The following TOX4 variants were observed in gnomAD, a reference collection of about 807,000 sequenced individuals.
TOX4 encodes epidermal Langerhans cell protein LCP1.
Under a neutral mutation model 61.0 loss-of-function variants are expected in TOX4, and 12 were observed. That is an observed-to-expected ratio of 0.20 (90% CI 0.13 to 0.32). The LOEUF is 0.32. Ranked by LOEUF, TOX4 falls within the 10% of genes least tolerant of loss-of-function variation. The pLI, the probability that TOX4 is intolerant of heterozygous loss-of-function variation, is 1.00. For missense variants in TOX4, 499 were observed against 753.3 expected, an observed-to-expected ratio of 0.66 and a Z score of 3.95; for synonymous variants, 268 against 274.8, an observed-to-expected ratio of 0.98 and a Z score of 0.24.
intron 4 of TOX4, 148 bp from the exon 5 acceptor site, chr14:21,489,025 C>T: frequency 8.3e-7 from 1 of 1,200,018 alleles, no homozygotes; most frequent in South Asian, 1.6e-5. Context: ...AATCCCTATT[C>T]TTATTGGTTC....
rs1313915204 is a variant in TOX4, at chr14:21,477,263, G to A, written c.-16G>A. The A allele has an allele frequency of 2.5e-6, 4 of 1,614,014 alleles. No individual in the cohort carries two copies. Among genetic ancestry groups the A allele is most frequent in the Non-Finnish European group, 3.4e-6 (4 of 1,179,992 alleles). On this transcript the variant is annotated 5_prime_UTR_variant, in exon 1 of 9. Transcript: ENST00000448790. ...GAGCGATGAGGGTCTGAGACGGTGG[G>A]AGCGGTTGTGTGAAGATGGAGGTAG...
intron 7 of TOX4, among the ~76,000 whole-genome samples, chr14:21,494,623 G>A (rs1336838823): frequency 1.3e-5 from 2 of 152,066 alleles, no homozygotes; most frequent in Non-Finnish European, 2.9e-5. Context: ...GGTGGCAGGC[G>A]CCTGTAGTCC....
intron 5 of TOX4, among the ~76,000 whole-genome samples, chr14:21,491,287 A>G (rs1185987329): frequency 6.6e-6 from 1 of 152,310 alleles, no homozygotes; most frequent in East Asian, 1.9e-4. Context: ...ACCACATTCC[A>G]TAAGGGAAAA....
intron 2 of TOX4, chr14:21,482,722 GGT>G (rs1326006163): frequency 3.4e-6 from 1 of 289,906 alleles, no homozygotes; most frequent in South Asian, 3.1e-5. Context: ...AGTGTGATCT[GGT>G]TATGTAATCC....
chr14:21,488,151 C>G (rs538957270), intron 3 of TOX4: 2 of 173,154 alleles, frequency 1.2e-5, no homozygotes, highest in African/African-American at 4.8e-5. Context: ...TCCAGCACAT[C>G]GAACCAGTAA....
Position 21,493,114 on chromosome 14 carries a change from A to T in TOX4, c.1498A>T (p.Thr500Ser), listed in dbSNP as rs1469545911. The stretch of plus-strand genomic sequence containing the variant: ...GCAGATCAAGAGTGTGCCTCTACCC[A>T]CTTTGAAAATGCAGACTACCTTAGT... Reference protein sequence around the residue: ...PLQIKSVPLPTLKMQTTLVPP... With the variant: ...PLQIKSVPLPSLKMQTTLVPP... The change falls in exon 7 of 9, where the codon ACT (threonine) becomes TCT (serine). Residue 500 changes from threonine (T) to serine (S), a missense_variant. Transcript: ENST00000448790. The T allele has an allele frequency of 6.2e-7, 1 of 1,613,668 alleles. No homozygotes were observed. The highest frequency in any genetic ancestry group is 8.5e-7 in the Non-Finnish European group (1 of 1,179,994).
In TOX4 at chr14:21,498,720, A is replaced by G; in HGVS notation, c.*2114A>G. 2.2e-6 allele frequency: 1 copy of G among 462,188 alleles called. No individual in the cohort carries two copies. Among genetic ancestry groups the G allele is most frequent in the Non-Finnish European group, 3.9e-6 (1 of 258,848 alleles). The allele number at this position is 462,188 out of a possible 1,614,324, so 28.6% of individuals were successfully genotyped here. On this transcript the variant is annotated 3_prime_UTR_variant, in exon 9 of 9. Coordinates refer to ENST00000448790, the MANE Select transcript of TOX4 (RefSeq NM_014828.4). ...AAAGATGTAATTATTGACAGATTAA[A>G]TAGATAACTTCGTAACCACCAGGGG...
At chr14:21,477,439 C>T in intron 1 of TOX4, 57 bp from the exon 2 acceptor site, 1 of 1,611,202 alleles carries the variant, frequency 6.2e-7, no homozygotes, top group Admixed American at 1.7e-5. Flanking sequence ...AGCCATCGCT[C>T]CAAGCTGACT....
chr14:21,479,933 TA>T (rs1340460066), intron 2 of TOX4, among the ~76,000 whole-genome samples: 1 of 152,202 alleles, frequency 6.6e-6, no homozygotes, highest in African/African-American at 2.4e-5. Context: ...CTTAATTCTC[TA>T]CCCCATTTAT....
At position 21,477,234 on chromosome 14, in the gene TOX4, G is replaced by A. The variant is rs773679563; in HGVS notation, c.-45G>A. On this transcript the variant is annotated 5_prime_UTR_variant, in exon 1 of 9. In the 5' UTR this introduces an upstream ATG that the reference lacks. Coordinates refer to ENST00000448790, the MANE Select transcript of TOX4 (RefSeq NM_014828.4). Reference sequence around the variant, plus strand: ...GGCAGTTCCGAGTCCAGTGGGGGCGGTGGGAGCGATGAGGGTCTGAGACGG... The same window carrying A: ...GGCAGTTCCGAGTCCAGTGGGGGCGATGGGAGCGATGAGGGTCTGAGACGG... 1.9e-6 allele frequency: 3 copies of A among 1,613,894 alleles called. No individual in the cohort carries two copies. The East Asian group carries it at 6.7e-5, about 36-fold the overall frequency.
rs1594425963 is a variant in TOX4 at position 21,484,363 on chromosome 14, T to G, written c.76-3088T>G. On this transcript the variant is annotated intron_variant, in intron 2 of 8. Coordinates refer to ENST00000448790, the MANE Select transcript of TOX4 (RefSeq NM_014828.4). ...TTTTTTTTTTTTTTTTTTTTTTTTT[T>G]TTTGAGACAGAGTCTTGCTCTGTCA... Among the ~76,000 whole-genome samples the G allele has an allele frequency of 1.7e-4, 11 of 64,042 alleles. No individual in the cohort carries two copies. The South Asian group carries it at 5.9e-3, about 34-fold the overall frequency. The allele number at this position is 64,042 out of a possible 152,430, so 42.0% of individuals were successfully genotyped here.
intron 7 of TOX4, among the ~76,000 whole-genome samples, chr14:21,493,530 C>T (rs1566485622): frequency 6.6e-6 from 1 of 151,926 alleles, no homozygotes; most frequent in Non-Finnish European, 1.5e-5. Flanking sequence ...CAACCTCTAC[C>T]TCCTGGGTTC....
chr14:21,498,237 T>C lies in TOX4; in HGVS notation c.*1631T>C, dbSNP rs1411323985. On this transcript the variant is annotated 3_prime_UTR_variant, in exon 9 of 9. Transcript: ENST00000448790. ...TTACAGAGCCATGGCTATGGATTCT[T>C]AGCTCTGTAAGGAAGTGCTTCTATA... 3 of 1,386,638 alleles carry C rather than the reference T, an allele frequency of 2.2e-6. No individual in the cohort carries two copies. Among genetic ancestry groups the C allele is most frequent in the East Asian group, 4.6e-5 (2 of 43,796 alleles). The allele number at this position is 1,386,638 out of a possible 1,614,324, so 85.9% of individuals were successfully genotyped here. A position where few individuals can be genotyped will look rare whatever the true frequency, so the allele number is the denominator to read the frequency against.
At position 21,487,661 on chromosome 14, in the gene TOX4, G is replaced by A. The variant is rs772957971; in HGVS notation, c.286G>A (p.Gly96Ser). 15 of 1,613,552 alleles carry A rather than the reference G, an allele frequency of 9.3e-6. 1 individual carries two copies. The South Asian group carries it at 1.6e-4, about 18-fold the overall frequency. Reference sequence around the variant, plus strand: ...CATGACCCATGGCTTGATGGAGCAGGGCGGGGGGCTCCTGAGTGGGGGCTT... The same window carrying A: ...CATGACCCATGGCTTGATGGAGCAGAGCGGGGGGCTCCTGAGTGGGGGCTT... ...VGMTHGLMEQ[G>S]GGLLSGGLTM... Residue 96 changes from glycine to serine, a missense_variant, in exon 3 of 9, where the codon GGC becomes AGC. This residue lies in a region of TOX4 where 90 missense variants were observed against 109.5 expected (regional missense o/e 0.82). Coordinates refer to ENST00000448790, the MANE Select transcript of TOX4 (RefSeq NM_014828.4).
rs1891240694 is a variant in TOX4, at chr14:21,489,057, T to C, written c.580-116T>C. The C allele has an allele frequency of 3.9e-6, 5 of 1,272,110 alleles. No homozygotes were observed. The Middle Eastern group carries it at 5.8e-4, about 147-fold the overall frequency. The allele number at this position is 1,272,110 out of a possible 1,614,324, so 78.8% of individuals were successfully genotyped here. On this transcript the variant is annotated intron_variant, in intron 4 of 8. Transcript: ENST00000448790. ...GTTCTCCATATTTGACTAATGTCTT[T>C]TAATGCTATTTCTATGATTTTTAGC...
intron 2 of TOX4, among the ~76,000 whole-genome samples, chr14:21,487,072 C>G (rs1594427147): frequency 6.6e-6 from 1 of 152,084 alleles, no homozygotes; most frequent in Non-Finnish European, 1.5e-5. Flanking sequence ...AATAACTGCT[C>G]TATTAGAATC....
At chr14:21,494,091 G>A (rs1338517880) in intron 7 of TOX4, among the ~76,000 whole-genome samples, 1 of 152,056 alleles carries the variant, frequency 6.6e-6, no homozygotes, top group Non-Finnish European at 1.5e-5. Context: ...TTCTGCCCCA[G>A]ACCACTCCTT....
chr14:21,492,063 C>G (rs1891302324), intron 5 of TOX4: 1 of 384,310 alleles, frequency 2.6e-6, no homozygotes, highest in Admixed American at 4.2e-5. Context: ...ATAAATGTAG[C>G]TATTCTTGCC....
intron 5 of TOX4, among the ~76,000 whole-genome samples, chr14:21,490,610 G>T (rs1165606017): frequency 2.0e-5 from 3 of 152,202 alleles, no homozygotes; most frequent in Non-Finnish European, 1.5e-5. Flanking sequence ...AAGTGGTAAA[G>T]TTGAGACACA....
Sources: gnomAD v4.1 joint callset for allele counts (sites outside exome capture counted in the v4.1 genomes callset) on GRCh38, gnomAD v4.1.1 for gene constraint, gnomAD v4.1.1 regional missense constraint, MANE v1.5 for transcripts, NCBI Gene and HGNC (gene_info 2026-07-23, HGNC 2026-07-21) for gene names.